The following PARN variants were observed in gnomAD, a reference collection of about 807,000 sequenced individuals.
PARN encodes poly(A)-specific ribonuclease.
In PARN, 71 loss-of-function variants were observed where a neutral mutation model predicts 102.8. The ratio of observed to expected loss-of-function variants is 0.69; its 90% confidence interval spans 0.57 to 0.84. The LOEUF (loss-of-function observed/expected upper bound fraction) is 0.84, where lower values mean the gene tolerates loss of function less well. PARN is among the 40% of genes least tolerant of loss of function. PARN has a pLI of 0.00. For synonymous variants in PARN, 261 were observed against 252.9 expected (o/e 1.03, Z -0.30); for missense variants, 782 against 760.9 (o/e 1.03, Z -0.33).
intron 21 of PARN, among the ~76,000 whole-genome samples, chr16:14,550,452 TC>T (rs1453585357): frequency 3.9e-5 from 6 of 152,088 alleles, no homozygotes; most frequent in Non-Finnish European, 7.3e-5. Context: ...AACACTAAAG[TC>T]CATACTATTA....
intron 22 of PARN, 33 bp downstream of exon 22, chr16:14,482,605 T>TG (rs775796298): frequency 3.0e-5 from 46 of 1,512,350 alleles, no homozygotes; most frequent in Non-Finnish European, 3.7e-5. Flanking sequence ...GCTAGAACTC[T>TG]GGCCTTTTAA....
chr16:14,465,241 G>A (rs1421592920), intron 22 of PARN, among the ~76,000 whole-genome samples: 1 of 152,056 alleles, frequency 6.6e-6, no homozygotes, highest in Non-Finnish European at 1.5e-5. Flanking sequence ...GTGCCACCAA[G>A]CTCGGCTAAT....
chr16:14,584,445 TTATGAGATTTCATCATCTCAGAAC>T (rs1969718689), intron 15 of PARN, 23 bp from the exon 16 acceptor site: 1 of 1,590,266 alleles, frequency 6.3e-7, no homozygotes, highest in African/African-American at 1.3e-5. Context: ...AAGCAAAGAA[TTATGAGATTTCATCATCTCAGAAC>T]AATATATTAA....
intron 22 of PARN, among the ~76,000 whole-genome samples, chr16:14,466,591 T>C (rs1962370152): frequency 6.6e-6 from 1 of 152,224 alleles, no homozygotes; most frequent in Non-Finnish European, 1.5e-5. Context: ...TCAGGTAACA[T>C]TTTTGCTTAC....
In PARN at chr16:14,627,122, A is replaced by C; in HGVS notation, c.311T>G (p.Val104Gly). The change falls in exon 5 of 24, where the codon GTC becomes GGC. Residue 104 changes from valine to glycine, a missense_variant. Physicochemically the swap from Val to Gly is moderately radical, Grantham distance 109. Transcript: ENST00000437198. ...GCTACTTACCTGACAAACAAATTTG[A>C]CATCTGGTGAGGATCTATTGAAGGG... ...PKPFNRSSPDVKFVCQSSSID... is the reference protein window; with the variant it reads ...PKPFNRSSPDGKFVCQSSSID... 1 of 1,595,308 alleles carries C rather than the reference A, an allele frequency of 6.3e-7. No individual in the cohort carries two copies. The highest frequency in any genetic ancestry group is 1.7e-5 in the Admixed American group (1 of 59,488).
chr16:14,577,046 C>A (rs1270276322), intron 18 of PARN, among the ~76,000 whole-genome samples: 1 of 152,086 alleles, frequency 6.6e-6, no homozygotes, highest in Admixed American at 6.6e-5. Context: ...TATTTCCCTT[C>A]GAGGTTTACT....
intron 21 of PARN, among the ~76,000 whole-genome samples, chr16:14,511,101 T>A (rs1965164405): frequency 6.6e-6 from 1 of 152,216 alleles, no homozygotes; most frequent in African/African-American, 2.4e-5. Context: ...CACTATCACA[T>A]CTATGAAATT....
chr16:14,451,869 C>CAAAAAAAAAAAAAAAAAAAAAAATA (rs1961468017), intron 22 of PARN, among the ~76,000 whole-genome samples: 1 of 52,498 alleles, frequency 1.9e-5, no homozygotes, highest in African/African-American at 8.8e-5. Flanking sequence ...AAAAAAAATA[C>CAAAAAAAAAAAAAAAAAAAAAAATA]AAAAAAAAAA....
chr16:14,447,280 G>T (rs867046358), intron 22 of PARN, among the ~76,000 whole-genome samples, 199 bp from the exon 23 acceptor site: 7 of 152,098 alleles, frequency 4.6e-5, no homozygotes, highest in African/African-American at 1.7e-4. Flanking sequence ...AGCTTATTCA[G>T]AAAAAAGTCC....
intron 21 of PARN, among the ~76,000 whole-genome samples, chr16:14,532,708 G>A (rs190529959): frequency 0.042 from 6,411 of 151,360 alleles, 148 homozygotes; most frequent in African/African-American, 0.051. Context: ...GGGGGCGACC[G>A]GGCAGAGGCG....
intron 23 of PARN, among the ~76,000 whole-genome samples, chr16:14,443,476 G>A (rs1567282253): frequency 1.3e-5 from 2 of 151,966 alleles, no homozygotes; most frequent in Non-Finnish European, 2.9e-5. Flanking sequence ...AAGTAGCTGG[G>A]ATTACAGGTG....
chr16:14,629,522 T>C (rs1972897613), intron 2 of PARN, 75 bp downstream of exon 2: 2 of 1,086,094 alleles, frequency 1.8e-6, no homozygotes, highest in Non-Finnish European at 2.8e-6. Flanking sequence ...GCATAAGAAG[T>C]TGGGGGCTGG....
At chr16:14,595,218 A>G (rs1445224073) in intron 12 of PARN, among the ~76,000 whole-genome samples, 1 of 152,218 alleles carries the variant, frequency 6.6e-6, no homozygotes, top group Non-Finnish European at 1.5e-5. Flanking sequence ...AATGGAAGTA[A>G]TAGAAACTGG....
At chr16:14,460,429 G>A (rs934878740) in intron 22 of PARN, among the ~76,000 whole-genome samples, 20 of 152,178 alleles carry the variant, frequency 1.3e-4, no homozygotes, top group African/African-American at 4.8e-4. Context: ...ACGTAGTACA[G>A]GATCATAAAA....
intron 21 of PARN, among the ~76,000 whole-genome samples, chr16:14,543,362 C>G (rs1167181278): frequency 1.3e-5 from 2 of 152,124 alleles, no homozygotes; most frequent in African/African-American, 4.8e-5. Context: ...AAAAAGAAAC[C>G]TGGATCTTCA....
Position 14,500,420 on chromosome 16 carries a change from G to C in PARN, c.1481-17593C>G, listed in dbSNP as rs1417985466. On this transcript the variant is annotated intron_variant, in intron 21 of 23. Coordinates refer to ENST00000437198, the MANE Select transcript of PARN (RefSeq NM_002582.4). The stretch of plus-strand genomic sequence containing the variant: ...TGTTTTGTTTTGTTTTTTTAAGACA[G>C]GGTCTCACTATGTTACCCAGGCTGG... 2.0e-5 allele frequency among the ~76,000 whole-genome samples: 3 copies of C among 152,032 alleles called. No individual in the cohort carries two copies. The East Asian group carries it at 5.8e-4, about 29-fold the overall frequency.
intron 5 of PARN, among the ~76,000 whole-genome samples, chr16:14,620,497 T>C (rs1487988790): frequency 6.6e-6 from 1 of 152,224 alleles, no homozygotes; most frequent in East Asian, 1.9e-4. Context: ...CTGTAGCTAC[T>C]CTAATTTTAT....
At position 14,577,273 on chromosome 16, in the gene PARN, T is replaced by C. The variant is rs77601740; in HGVS notation, c.1262+3601A>G. ...GTTGGGGGCAACTACCAAATGTTTT[T>C]CTACAAGGGTAACCATGAAAAATGA... On this transcript the variant is annotated intron_variant, in intron 18 of 23. Transcript: ENST00000437198. Among the ~76,000 whole-genome samples the C allele has an allele frequency of 3.4e-3, 524 of 152,366 alleles. 6 individuals are homozygous for C. The highest frequency in any genetic ancestry group is 0.017 in the East Asian group (88 of 5,192).
At chr16:14,622,455 G>C (rs1030819634) in intron 5 of PARN, among the ~76,000 whole-genome samples, 16 of 152,172 alleles carry the variant, frequency 1.1e-4, no homozygotes, top group African/African-American at 3.9e-4. Flanking sequence ...CGAAATAAAA[G>C]ACATTCTGCT....
Sources: gnomAD v4.1 joint callset for allele counts (sites outside exome capture counted in the v4.1 genomes callset) on GRCh38, gnomAD v4.1.1 for gene constraint, MANE v1.5 for transcripts, NCBI Gene and HGNC (gene_info 2026-07-23, HGNC 2026-07-21) for gene names.